AUTS2: variants seen among roughly 807,000 people sequenced by gnomAD.
The protein encoded by AUTS2 is autism susceptibility gene 2 protein.
Under a neutral mutation model 112.4 loss-of-function variants are expected in AUTS2, and 17 were observed. That is an observed-to-expected ratio of 0.15 (90% CI 0.10 to 0.23). The LOEUF (loss-of-function observed/expected upper bound fraction) is 0.23, where lower values mean the gene tolerates loss of function less well. Ranked by LOEUF, AUTS2 falls within the 10% of genes least tolerant of loss-of-function variation. The pLI is 1.00. For missense variants in AUTS2, 1,510 were observed against 1,701.6 expected (o/e 0.89, Z 1.98); for synonymous variants, 751 against 702.7 (o/e 1.07, Z -1.09).
At chr7:69,674,962 G>T (rs1247038892) in intron 1 of AUTS2, among the ~76,000 whole-genome samples, 1 of 152,144 alleles carries the variant, frequency 6.6e-6, no homozygotes, top group African/African-American at 2.4e-5. Flanking sequence ...TTCTTTAGTT[G>T]GTTGCATTTG....
intron 6 of AUTS2, among the ~76,000 whole-genome samples, chr7:70,727,586 G>A (rs1285157643): frequency 6.6e-6 from 1 of 152,146 alleles, no homozygotes; most frequent in Non-Finnish European, 1.5e-5. Context: ...GATCTCAGGC[G>A]ATCTGCCTGC....
chr7:70,438,643 T>G (rs964532200), intron 5 of AUTS2, among the ~76,000 whole-genome samples: 6 of 152,216 alleles, frequency 3.9e-5, no homozygotes, highest in Non-Finnish European at 7.3e-5. Context: ...TCGCCAACTT[T>G]AACACCATCC....
At chr7:69,827,298 ACAGT>A (rs1482401148) in intron 1 of AUTS2, among the ~76,000 whole-genome samples, 1 of 152,172 alleles carries the variant, frequency 6.6e-6, no homozygotes, top group African/African-American at 2.4e-5. Flanking sequence ...TGTAAGGAGA[ACAGT>A]CAGAGTTAAG....
intron 14 of AUTS2, among the ~76,000 whole-genome samples, chr7:70,777,481 A>G (rs1401333556): frequency 6.6e-6 from 1 of 151,638 alleles, no homozygotes; most frequent in Admixed American, 6.6e-5. Flanking sequence ...GGCATATACC[A>G]CCATACTTGG....
chr7:70,435,186 C>T (rs367550144), intron 4 of AUTS2, among the ~76,000 whole-genome samples: 4 of 152,262 alleles, frequency 2.6e-5, no homozygotes, highest in African/African-American at 7.2e-5. Flanking sequence ...GCCTCTAAAC[C>T]GGAAAAGGCA....
intron 4 of AUTS2, among the ~76,000 whole-genome samples, chr7:70,374,654 A>T (rs1043056414): frequency 5.3e-5 from 8 of 152,244 alleles, no homozygotes; most frequent in Admixed American, 5.2e-4. Context: ...TTCAACTGGC[A>T]TATTTTCCTT....
At chr7:69,975,329 G>T (rs1798012889) in intron 2 of AUTS2, among the ~76,000 whole-genome samples, 1 of 151,990 alleles carries the variant, frequency 6.6e-6, no homozygotes, top group Non-Finnish European at 1.5e-5. Context: ...GTGTCTTGGT[G>T]TGGGTATCTT....
At chr7:70,402,506 A>G (rs1302456866) in intron 4 of AUTS2, among the ~76,000 whole-genome samples, 2 of 152,244 alleles carry the variant, frequency 1.3e-5, no homozygotes, top group African/African-American at 4.8e-5. Context: ...TAGTAGAGAC[A>G]CAGAGGCATC....
At chr7:70,371,529 C>G (rs947582510) in intron 4 of AUTS2, among the ~76,000 whole-genome samples, 1 of 152,182 alleles carries the variant, frequency 6.6e-6, no homozygotes, top group African/African-American at 2.4e-5. Flanking sequence ...TTCATAAAAT[C>G]AATTAACTAT....
At chr7:70,139,940 G>A (rs553394872) in intron 4 of AUTS2, among the ~76,000 whole-genome samples, 2 of 152,294 alleles carry the variant, frequency 1.3e-5, no homozygotes, top group Non-Finnish European at 2.9e-5. Flanking sequence ...GGCAGAGGTT[G>A]CAGTGAGACA....
At chr7:70,290,622 T>C in intron 4 of AUTS2, 1 of 1,422,452 alleles carries the variant, frequency 7.0e-7, no homozygotes, top group Non-Finnish European at 9.1e-7. Context: ...CTCCTTTTCA[T>C]TTGCAGTGTG....
intron 1 of AUTS2, among the ~76,000 whole-genome samples, chr7:69,740,624 A>C (rs1787224068): frequency 6.6e-6 from 1 of 152,102 alleles, no homozygotes. Flanking sequence ...CCCGGGTTCA[A>C]GGAATTCTCC....
At chr7:70,183,008 G>A (rs575069284) in intron 4 of AUTS2, among the ~76,000 whole-genome samples, 27 of 152,226 alleles carry the variant, frequency 1.8e-4, no homozygotes, top group African/African-American at 2.4e-4. Flanking sequence ...CACTGTGTCC[G>A]CGTTTCCATT....
Position 70,670,893 on chromosome 7 carries a change from G to A in AUTS2, c.691-27676G>A, listed in dbSNP as rs763809149. On this transcript the variant is annotated intron_variant, in intron 5 of 18. Transcript: ENST00000342771. ...CTTGGTAGGGAGTAACAAAACAGGC[G>A]GGGTGCGGTGGCTCACGCATGTAGT... Among the ~76,000 whole-genome samples, 11 of 152,184 alleles carry A rather than the reference G, an allele frequency of 7.2e-5. No homozygotes were observed. The South Asian group carries it at 1.5e-3, about 20-fold the overall frequency.
chr7:70,118,959 T>TA (rs1411160904), intron 3 of AUTS2: 7 of 152,000 alleles, frequency 4.6e-5, no homozygotes, highest in Admixed American at 4.6e-4. Context: ...TGGACTCTCT[T>TA]ACCTTCTTTA....
At chr7:70,440,216 G>A (rs1028608799) in intron 5 of AUTS2, among the ~76,000 whole-genome samples, 7 of 144,670 alleles carry the variant, frequency 4.8e-5, no homozygotes, top group Admixed American at 4.1e-4. Context: ...ACATAGTGAG[G>A]CCCTGTCTCT....
rs111322321 is a variant in AUTS2 at position 69,884,042 on chromosome 7, T to C, written c.310-15244T>C. On this transcript the variant is annotated intron_variant, in intron 1 of 18. Transcript: ENST00000342771. Reference sequence around the variant, plus strand: ...TGACATCCTCCAGCCCACTTCCTTATGGGACCAACAGCCAATGTCATAACA... The same window carrying C: ...TGACATCCTCCAGCCCACTTCCTTACGGGACCAACAGCCAATGTCATAACA... 1.1e-3 allele frequency among the ~76,000 whole-genome samples: 167 copies of C among 152,340 alleles called. 5 individuals carry two copies. Among genetic ancestry groups the C allele is most frequent in the African/African-American group, 3.7e-3 (154 of 41,590 alleles).
intron 2 of AUTS2, among the ~76,000 whole-genome samples, chr7:69,906,256 A>G (rs1299318516): frequency 1.3e-5 from 2 of 152,248 alleles, no homozygotes; most frequent in Non-Finnish European, 2.9e-5. Flanking sequence ...TTGTGATGAT[A>G]TAAAGTTATC....
At chr7:70,159,188 T>C (rs977493406) in intron 4 of AUTS2, among the ~76,000 whole-genome samples, 5 of 152,190 alleles carry the variant, frequency 3.3e-5, no homozygotes, top group Non-Finnish European at 5.9e-5. Context: ...CATTAGATGA[T>C]TATGATATGG....
Sources: allele counts gnomAD v4.1 joint callset (sites outside exome capture counted in the v4.1 genomes callset), GRCh38; gene constraint gnomAD v4.1.1; transcripts MANE v1.5; gene names NCBI Gene and HGNC (gene_info 2026-07-23, HGNC 2026-07-21).